The following LRCH2 variants were observed in gnomAD, a reference collection of about 807,000 sequenced individuals.
LRCH2 encodes leucine-rich repeat and calponin homology domain-containing protein 2.
LRCH2 carries 38 observed loss-of-function variants against 68.9 expected under a neutral mutation model. The observed-to-expected ratio is 0.55, with a 90% CI of 0.43 to 0.72. The LOEUF is 0.72. Ranked by LOEUF, LRCH2 falls within the 30% of genes least tolerant of loss-of-function variation. The probability of loss-of-function intolerance (pLI) is 0.00; values close to 1 mark genes in which losing one functional copy is unlikely to be tolerated. For synonymous variants in LRCH2, 191 were observed against 208.1 expected (o/e 0.92, Z 0.71); for missense variants, 528 against 572.9 (o/e 0.92, Z 0.80).
intron 1 of LRCH2, among the ~76,000 whole-genome samples, chrX:115,209,001 CT>C (rs1392687573): frequency 1.8e-5 from 2 of 111,949 alleles, no homozygotes; most frequent in Non-Finnish European, 3.8e-5. Context: ...ATGAAGTGTG[CT>C]GTTTGAACAC....
chrX:115,174,223 T>C (rs1017583131), intron 5 of LRCH2, among the ~76,000 whole-genome samples: 4 of 111,710 alleles, frequency 3.6e-5, no homozygotes, highest in Non-Finnish European at 7.5e-5. Context: ...GTGTGTGTAG[T>C]GAGAACACTT....
At chrX:115,190,819 AGCTGGAGCGACT>A in intron 1 of LRCH2, 1 of 1,154,167 alleles carries the variant, frequency 8.7e-7, no homozygotes. Context: ...TGACAGTTCC[AGCTGGAGCGACT>A]GCTGCGGAGG....
chrX:115,147,765 A>G (rs1556536865), intron 14 of LRCH2, among the ~76,000 whole-genome samples: 1 of 111,528 alleles, frequency 9.0e-6, no homozygotes, highest in Admixed American at 9.6e-5. Context: ...AACGTTTTTT[A>G]AACACTAAAA....
intron 20 of LRCH2, among the ~76,000 whole-genome samples, chrX:115,113,870 A>G (rs1359068397): frequency 1.8e-5 from 2 of 111,250 alleles, no homozygotes; most frequent in Admixed American, 9.6e-5. Context: ...GCTTTCATTA[A>G]TTAGCCCTCA....
intron 1 of LRCH2, among the ~76,000 whole-genome samples, chrX:115,215,276 G>A (rs2073033830): frequency 9.0e-6 from 1 of 111,369 alleles, no homozygotes; most frequent in African/African-American, 3.3e-5. Context: ...TCTAGGTTAA[G>A]TTACATAAAA....
intron 14 of LRCH2, among the ~76,000 whole-genome samples, chrX:115,132,015 A>C (rs1423930441): frequency 9.0e-6 from 1 of 110,514 alleles, no homozygotes; most frequent in Non-Finnish European, 1.9e-5. Flanking sequence ...GATTGTAAAA[A>C]TTTTCTCCCA....
chrX:115,150,610 A>G (rs2072424793), intron 12 of LRCH2, among the ~76,000 whole-genome samples: 1 of 111,106 alleles, frequency 9.0e-6, no homozygotes, highest in African/African-American at 3.3e-5. Flanking sequence ...GCAATTTTGA[A>G]CAAGGAGTTC....
chrX:115,166,974 C>A (rs2072564517), intron 6 of LRCH2, among the ~76,000 whole-genome samples: 1 of 108,736 alleles, frequency 9.2e-6, no homozygotes, highest in Non-Finnish European at 1.9e-5. Flanking sequence ...GTTTAAAAGA[C>A]AAAACATTAC....
rs187720605 is a variant in LRCH2, at chrX:115,205,179, G to A, written c.350-16809C>T. Among the ~76,000 whole-genome samples, 8 of 111,460 alleles carry A rather than the reference G, an allele frequency of 7.2e-5. No homozygotes were observed. The East Asian group carries it at 2.0e-3, about 28-fold the overall frequency. ...GATCTCATAAGAACTCACTATCATGGGAACAACATCGGGGAAACCACCCTC... is the reference window on the plus strand; with the variant it reads ...GATCTCATAAGAACTCACTATCATGAGAACAACATCGGGGAAACCACCCTC... On this transcript the variant is annotated intron_variant, in intron 1 of 20. Transcript: ENST00000317135.
chrX:115,170,460 A>T (rs2072596340), intron 5 of LRCH2, 28 bp from the exon 6 acceptor site: 1 of 1,016,673 alleles, frequency 9.8e-7, no homozygotes, highest in Admixed American at 4.2e-5. Flanking sequence ...AGATTTAATT[A>T]TATAGTTCCA....
At chrX:115,220,543 A>G (rs2073071507) in intron 1 of LRCH2, among the ~76,000 whole-genome samples, 1 of 111,426 alleles carries the variant, frequency 9.0e-6, no homozygotes, top group African/African-American at 3.3e-5. Context: ...CACATGGCTA[A>G]TGGAGGAGAG....
At chrX:115,220,983 C>A (rs1157243607) in intron 1 of LRCH2, among the ~76,000 whole-genome samples, 1 of 107,031 alleles carries the variant, frequency 9.3e-6, no homozygotes, top group Non-Finnish European at 1.9e-5. Context: ...GTCAGGAGAT[C>A]GAGACCATGG....
chrX:115,210,764 G>T lies in LRCH2; in HGVS notation c.350-22394C>A, dbSNP rs150706131. Reference sequence around the variant, plus strand: ...CAGGAGGGAGGCTGTACCCTGCTAAGCCACAAAGGCGGAGCTGCTCAAGAC... The same window carrying T: ...CAGGAGGGAGGCTGTACCCTGCTAATCCACAAAGGCGGAGCTGCTCAAGAC... On this transcript the variant is annotated intron_variant, in intron 1 of 20. Transcript: ENST00000317135. 9.5e-3 allele frequency among the ~76,000 whole-genome samples: 1,060 copies of T among 111,773 alleles called. 6 individuals carry two copies. Among genetic ancestry groups the T allele is most frequent in the Non-Finnish European group, 0.014 (749 of 53,106 alleles).
At chrX:115,232,182 G>T in intron 1 of LRCH2, among the ~76,000 whole-genome samples, 1 of 107,543 alleles carries the variant, frequency 9.3e-6, no homozygotes, top group Non-Finnish European at 1.9e-5. Flanking sequence ...AGTCCTGAAT[G>T]CCAAGCTAGG....
At chrX:115,190,209 CAG>C (rs2072778288) in intron 1 of LRCH2, 1 of 1,165,166 alleles carries the variant, frequency 8.6e-7, no homozygotes, top group African/African-American at 1.8e-5. Flanking sequence ...TCCCTGCGCT[CAG>C]AGACTACAGC....
intron 11 of LRCH2, among the ~76,000 whole-genome samples, chrX:115,162,427 T>G (rs1489173204): frequency 9.0e-6 from 1 of 111,420 alleles, no homozygotes; most frequent in Admixed American, 9.6e-5. Context: ...GTAGCCAATT[T>G]TTAAAAGGCC....
intron 1 of LRCH2, among the ~76,000 whole-genome samples, chrX:115,198,013 A>C (rs1328218095): frequency 2.4e-5 from 2 of 83,934 alleles, no homozygotes; most frequent in Admixed American, 3.1e-4. Context: ...AATAAAGAAA[A>C]AGAATGAACA....
intron 1 of LRCH2, among the ~76,000 whole-genome samples, chrX:115,223,134 T>C (rs782736025): frequency 5.3e-4 from 59 of 110,618 alleles, no homozygotes; most frequent in African/African-American, 1.8e-3. Flanking sequence ...GATACCCACA[T>C]GTAAAAGAAT....
chrX:115,221,992 C>T (rs1171467159), intron 1 of LRCH2, among the ~76,000 whole-genome samples: 2 of 108,622 alleles, frequency 1.8e-5, no homozygotes, highest in East Asian at 2.9e-4. Flanking sequence ...ATACTTTCAA[C>T]GAGCAGCACA....
Sources: allele counts gnomAD v4.1 joint callset (sites outside exome capture counted in the v4.1 genomes callset), GRCh38; gene constraint gnomAD v4.1.1; transcripts MANE v1.5; gene names NCBI Gene and HGNC (gene_info 2026-07-23, HGNC 2026-07-21).